RNF212B: variants seen among roughly 807,000 people sequenced by gnomAD.
RNF212B encodes the protein E3 ubiquitin-protein ligase RNF212B.
In RNF212B, 52 loss-of-function variants were observed where a neutral mutation model predicts 55.5. The observed-to-expected ratio is 0.94, with a 90% CI of 0.75 to 1.18. RNF212B has a LOEUF of 1.18. RNF212B is among the 50% of genes most tolerant of loss of function. The pLI is 0.00. For missense variants in RNF212B, 289 were observed against 350.4 expected, an observed-to-expected ratio of 0.82 and a Z score of 1.40; for synonymous variants, 99 against 121.4, an observed-to-expected ratio of 0.82 and a Z score of 1.21.
At chr14:23,229,220 T>TTTTTTA (rs1183907201) in intron 2 of RNF212B, among the ~76,000 whole-genome samples, 2 of 65,036 alleles carry the variant, frequency 3.1e-5, no homozygotes, top group Non-Finnish European at 6.0e-5. Context: ...GAATAATATT[T>TTTTTTA]TATATATATA....
chr14:23,231,901 C>A (rs898935698), intron 2 of RNF212B, among the ~76,000 whole-genome samples: 1 of 152,192 alleles, frequency 6.6e-6, no homozygotes, highest in African/African-American at 2.4e-5. Context: ...CTCGGCCTCC[C>A]GAGGTGCCGG....
intron 2 of RNF212B, among the ~76,000 whole-genome samples, chr14:23,242,081 C>CAAAAAAAAAAAAAAAAAAAAAAAAAAAA (rs58497672): frequency 5.5e-5 from 2 of 36,654 alleles, no homozygotes; most frequent in African/African-American, 1.1e-4. Context: ...GACTCCGTCT[C>CAAAAAAAAAAAAAAAAAAAAAAAAAAAA]AAAAAAAAAA....
At chr14:23,252,455 A>AATTTCTG (rs1884488761) in intron 4 of RNF212B, among the ~76,000 whole-genome samples, 1 of 152,248 alleles carries the variant, frequency 6.6e-6, no homozygotes, top group Non-Finnish European at 1.5e-5. Flanking sequence ...TAATATAATT[A>AATTTCTG]ATTTCTGAAC....
At chr14:23,207,542 A>C (rs1159734586) in intron 2 of RNF212B, among the ~76,000 whole-genome samples, 1 of 152,184 alleles carries the variant, frequency 6.6e-6, no homozygotes, top group Non-Finnish European at 1.5e-5. Flanking sequence ...TTCTCTGTAG[A>C]GGGTATTTTC....
chr14:23,226,813 T>TC (rs1882075201), intron 2 of RNF212B, among the ~76,000 whole-genome samples: 1 of 20,746 alleles, frequency 4.8e-5, no homozygotes, highest in Non-Finnish European at 2.0e-4. Flanking sequence ...CTTCTTCTTC[T>TC]TTTTTTTTTT....
intron 2 of RNF212B, among the ~76,000 whole-genome samples, chr14:23,229,618 G>T (rs893960408): frequency 2.6e-5 from 4 of 151,976 alleles, no homozygotes; most frequent in African/African-American, 9.7e-5. Context: ...GTTTTAATTT[G>T]CATTTCCCCT....
intron 2 of RNF212B, among the ~76,000 whole-genome samples, chr14:23,200,317 T>C (rs1382660872): frequency 6.6e-6 from 1 of 152,034 alleles, no homozygotes; most frequent in East Asian, 1.9e-4. Context: ...GTTGGGTGAA[T>C]TTCCTCTCCC....
intron 2 of RNF212B, among the ~76,000 whole-genome samples, chr14:23,241,761 C>T (rs1358977598): frequency 6.6e-6 from 1 of 151,774 alleles, no homozygotes; most frequent in Non-Finnish European, 1.5e-5. Flanking sequence ...TACTTTCTAG[C>T]TCACTCTGGC....
At chr14:23,230,421 G>A (rs1194638744) in intron 2 of RNF212B, among the ~76,000 whole-genome samples, 2 of 152,112 alleles carry the variant, frequency 1.3e-5, no homozygotes, top group Non-Finnish European at 2.9e-5. Flanking sequence ...TTGGGAGGCC[G>A]AGGCGGGTGG....
At chr14:23,231,936 T>G (rs896578891) in intron 2 of RNF212B, among the ~76,000 whole-genome samples, 19 of 117,604 alleles carry the variant, frequency 1.6e-4, no homozygotes, top group African/African-American at 6.4e-4. Flanking sequence ...TCTCGTTCAC[T>G]CAGTGCTCAA....
At chr14:23,233,328 G>T (rs1361712812), upstream of RNF212B, among the ~76,000 whole-genome samples, 2 of 151,784 alleles carry the variant, frequency 1.3e-5, no homozygotes, top group African/African-American at 4.8e-5. Context: ...CATGTTTATT[G>T]GCTGACCTTC....
At chr14:23,214,116 T>A (rs1469529832) in intron 2 of RNF212B, among the ~76,000 whole-genome samples, 12 of 152,182 alleles carry the variant, frequency 7.9e-5, no homozygotes, top group Admixed American at 7.2e-4. Flanking sequence ...GTATCTTTTT[T>A]AAAAAAGCTT....
chr14:23,260,565 C>A, intron 6 of RNF212B, 94 bp from the exon 7 acceptor site: 1 of 1,120,484 alleles, frequency 8.9e-7, no homozygotes, highest in Non-Finnish European at 1.3e-6. Context: ...GACTAAGGGG[C>A]ACTGAGCTTA....
chr14:23,253,690 T>G (rs1479025874), intron 4 of RNF212B, among the ~76,000 whole-genome samples: 1 of 152,178 alleles, frequency 6.6e-6, no homozygotes, highest in East Asian at 1.9e-4. Context: ...CTGTCATCCT[T>G]TCTTATTTTT....
At chr14:23,259,779 G>A (rs1402962571) in intron 5 of RNF212B, 105 bp from the exon 6 acceptor site, 1 of 503,724 alleles carries the variant, frequency 2.0e-6, no homozygotes, top group Non-Finnish European at 3.5e-6. Flanking sequence ...ATAGCTGCAA[G>A]CATTTCTCAG....
rs1371420840 is a variant in RNF212B, at chr14:23,244,224, G to C, written c.154-98G>C. On this transcript the variant is annotated intron_variant, in intron 3 of 14. Coordinates refer to ENST00000430154, the MANE Select transcript of RNF212B (RefSeq NM_001282322.3). Reference sequence around the variant, plus strand: ...TTACACACAGTGGAGATAATGTCAGGTACATTAGAAAAGGTGGTACATCTT... The same window carrying C: ...TTACACACAGTGGAGATAATGTCAGCTACATTAGAAAAGGTGGTACATCTT... The C allele has an allele frequency of 4.6e-6, 3 of 647,228 alleles. No individual in the cohort carries two copies. The Admixed American group carries it at 9.1e-5, about 20-fold the overall frequency. 40.1% of individuals were successfully genotyped at this position (647,228 alleles called of 1,614,324 possible). A position where few individuals can be genotyped will look rare whatever the true frequency, so the allele number is the denominator to read the frequency against.
chr14:23,229,618 G>C (rs893960408), intron 2 of RNF212B, among the ~76,000 whole-genome samples: 4 of 151,976 alleles, frequency 2.6e-5, no homozygotes, highest in Non-Finnish European at 4.4e-5. Flanking sequence ...GTTTTAATTT[G>C]CATTTCCCCT....
At chr14:23,200,017 TAA>T (rs777564811) in intron 2 of RNF212B, among the ~76,000 whole-genome samples, 2 of 144,626 alleles carry the variant, frequency 1.4e-5, no homozygotes, top group Non-Finnish European at 3.0e-5. Flanking sequence ...AATAAAAAAT[TAA>T]AAAAAAAAAA....
intron 2 of RNF212B, among the ~76,000 whole-genome samples, chr14:23,198,031 G>T (rs182803623): frequency 5.3e-4 from 80 of 152,230 alleles, no homozygotes; most frequent in African/African-American, 1.6e-3. Flanking sequence ...AAATCACAAT[G>T]GTGGAATGTC....
Sources: gnomAD v4.1 joint callset for allele counts (sites outside exome capture counted in the v4.1 genomes callset) on GRCh38, gnomAD v4.1.1 for gene constraint, MANE v1.5 for transcripts, NCBI Gene and HGNC (gene_info 2026-07-23, HGNC 2026-07-21) for gene names.